Variants in WDFY4 observed in about 807,000 individuals in gnomAD.
WDFY4 encodes WD repeat- and FYVE domain-containing protein 4.
A neutral mutation model predicts 351.9 loss-of-function variants in WDFY4; 169 were observed. The ratio of observed to expected loss-of-function variants is 0.48; its 90% CI spans 0.42 to 0.55. The LOEUF is 0.55. Among genes scored for constraint, WDFY4 ranks in the 20% least tolerant of loss-of-function variants. The probability of loss-of-function intolerance (pLI) is 0.00; values close to 1 mark genes in which losing one functional copy is unlikely to be tolerated. For missense variants in WDFY4, 3,803 were observed against 3,935.6 expected (o/e 0.97, Z 0.90); for synonymous variants, 1,622 against 1,574.6 (o/e 1.03, Z -0.71).
At chr10:48,836,405 T>C (rs946460067) in intron 39 of WDFY4, among the ~76,000 whole-genome samples, 5 of 152,138 alleles carry the variant, frequency 3.3e-5, no homozygotes, top group Admixed American at 2.6e-4. Flanking sequence ...GTGCATGAAA[T>C]TGGGGTTTCT....
chr10:48,715,024 A>T (rs1481474485), intron 2 of WDFY4, among the ~76,000 whole-genome samples: 2 of 152,266 alleles, frequency 1.3e-5, no homozygotes, highest in Non-Finnish European at 2.9e-5. Flanking sequence ...CTCACTTGGC[A>T]TACTCACTCC....
rs148485928 is a variant in WDFY4 at position 48,847,634 on chromosome 10, G to A, written c.6663+14925G>A. ...GGCGAGTTCAGGGAAGGCCAGCGTG[G>A]CGACACCTCCCACCTGTCTAAGGCT... On this transcript the variant is annotated intron_variant, in intron 39 of 61. Transcript: ENST00000325239. 1.6e-3 allele frequency among the ~76,000 whole-genome samples: 237 copies of A among 152,158 alleles called. 1 individual carries two copies. Among genetic ancestry groups the A allele is most frequent in the African/African-American group, 5.3e-3 (222 of 41,536 alleles).
At chr10:48,804,892 G>A in intron 25 of WDFY4, 5 of 552,752 alleles carry the variant, frequency 9.0e-6, no homozygotes, top group Non-Finnish European at 1.1e-5. Context: ...GCTAGTGAAG[G>A]GCCCTGCACT....
At chr10:48,711,902 A>G (rs1423184735) in intron 2 of WDFY4, among the ~76,000 whole-genome samples, 3 of 152,150 alleles carry the variant, frequency 2.0e-5, no homozygotes, top group East Asian at 1.9e-4. Flanking sequence ...TGACGGTTGT[A>G]TGGGAGGGGT....
At chr10:48,853,211 G>A (rs1276067075) in intron 39 of WDFY4, among the ~76,000 whole-genome samples, 1 of 151,936 alleles carries the variant, frequency 6.6e-6, no homozygotes, top group African/African-American at 2.4e-5. Context: ...TTATCTCTCA[G>A]GAGTCTCTGT....
At chr10:48,933,816 T>C (rs561260279) in intron 47 of WDFY4, among the ~76,000 whole-genome samples, 1 of 152,222 alleles carries the variant, frequency 6.6e-6, no homozygotes, top group Admixed American at 6.5e-5. Flanking sequence ...TTCAGGGGCC[T>C]GGAAACATCA....
chr10:48,779,978 A>C lies in WDFY4; in HGVS notation c.3435A>C (p.Ala1145=). 1 of 1,551,822 alleles carries C rather than the reference A, an allele frequency of 6.4e-7. No individual in the cohort carries two copies. The highest frequency in any genetic ancestry group is 1.7e-4 in the Middle Eastern group (1 of 5,990). The change falls in exon 19 of 62, where the codon GCA becomes GCC. Residue 1145 remains alanine, a synonymous_variant. Transcript: ENST00000325239. ...CTGAGGATGACTCCGAGCCTTCTGC[A>C]GGATGCCAGCTTCAGGTCAGGTGTG... is the stretch of plus-strand genomic sequence containing the variant. ...MEPEDDSEPS[A]GCQLQVRCGQ...
intron 47 of WDFY4, among the ~76,000 whole-genome samples, chr10:48,934,434 G>A (rs532408613): frequency 2.6e-5 from 4 of 152,312 alleles, no homozygotes; most frequent in Non-Finnish European, 5.9e-5. Flanking sequence ...GCTCAGGGAG[G>A]CTGAGAAACT....
chr10:48,753,443 A>G (rs2065242927), intron 12 of WDFY4, among the ~76,000 whole-genome samples: 2 of 152,210 alleles, frequency 1.3e-5, no homozygotes, highest in Admixed American at 1.3e-4. Context: ...TCCATTGCCA[A>G]ATCCAAGGTC....
chr10:48,908,075 A>T (rs921459856), intron 47 of WDFY4, among the ~76,000 whole-genome samples: 11 of 152,142 alleles, frequency 7.2e-5, no homozygotes, highest in African/African-American at 1.9e-4. Context: ...TTCCATGTTC[A>T]TCTTTGTCTG....
intron 11 of WDFY4, among the ~76,000 whole-genome samples, chr10:48,739,630 C>A (rs935080462): frequency 2.6e-5 from 4 of 152,128 alleles, no homozygotes; most frequent in African/African-American, 9.7e-5. Context: ...ATGAAATTAA[C>A]CCCATCCCAA....
At chr10:48,926,764 G>A (rs1839605598) in intron 47 of WDFY4, among the ~76,000 whole-genome samples, 2 of 152,154 alleles carry the variant, frequency 1.3e-5, no homozygotes, top group Non-Finnish European at 2.9e-5. Context: ...TAAGAGCTTG[G>A]TAATTGACAA....
Position 48,963,993 on chromosome 10 carries a change from AC to A in WDFY4, c.8380del (p.Leu2794SerfsTer44). On this transcript the variant is annotated frameshift_variant, in exon 54 of 62. Transcript: ENST00000325239. LOFTEE classifies it high-confidence loss of function. The part of the protein sequence containing the change: ...GDRMDLSSIT[D>X]PLIKSTILGF... Reference sequence around the variant, plus strand: ...AGAATGGACCTCAGCAGCATCACTGACCCCCTCATCAAAAGCACCATCCTGG... The same window carrying A: ...AGAATGGACCTCAGCAGCATCACTGACCCCTCATCAAAAGCACCATCCTGG... The A allele has an allele frequency of 1.3e-6, 2 of 1,550,226 alleles. No homozygotes were observed. Among genetic ancestry groups the A allele is most frequent in the Non-Finnish European group, 8.7e-7 (1 of 1,146,926 alleles).
At chr10:48,795,348 G>T (rs1358569830) in intron 23 of WDFY4, among the ~76,000 whole-genome samples, 1 of 151,604 alleles carries the variant, frequency 6.6e-6, no homozygotes, top group African/African-American at 2.4e-5. Flanking sequence ...GACAGAGTTG[G>T]ATTGCCAGAA....
chr10:48,966,922 C>T (rs775037945), intron 55 of WDFY4: 23 of 515,464 alleles, frequency 4.5e-5, no homozygotes, highest in Non-Finnish European at 5.8e-5. Context: ...CTCTCTCACA[C>T]ACATACACAC....
intron 39 of WDFY4, among the ~76,000 whole-genome samples, chr10:48,836,469 G>C (rs529569546): frequency 7.9e-5 from 12 of 152,334 alleles, no homozygotes; most frequent in African/African-American, 2.9e-4. Flanking sequence ...AGGAGTTGGT[G>C]TTGGAGGAAA....
intron 9 of WDFY4, among the ~76,000 whole-genome samples, chr10:48,732,834 C>A (rs1252129937): frequency 1.3e-5 from 2 of 152,144 alleles, no homozygotes; most frequent in African/African-American, 2.4e-5. Flanking sequence ...GGAGCTCAGG[C>A]GTCTTATGGA....
intron 53 of WDFY4, among the ~76,000 whole-genome samples, chr10:48,962,257 C>T (rs748680668): frequency 6.6e-6 from 1 of 152,174 alleles, no homozygotes; most frequent in Non-Finnish European, 1.5e-5. Flanking sequence ...CATTACCCCT[C>T]GTATGACATG....
chr10:48,915,225 T>G (rs1003437443), intron 47 of WDFY4, among the ~76,000 whole-genome samples: 2 of 152,224 alleles, frequency 1.3e-5, no homozygotes, highest in African/African-American at 4.8e-5. Context: ...TTGATTAATG[T>G]TAGTTATTAA....
Sources: allele counts gnomAD v4.1 joint callset (sites outside exome capture counted in the v4.1 genomes callset), GRCh38; gene constraint gnomAD v4.1.1; transcripts MANE v1.5; gene names NCBI Gene and HGNC (gene_info 2026-07-23, HGNC 2026-07-21).